The following GID8 variants were observed in gnomAD, a reference collection of about 807,000 sequenced individuals.
GID8 encodes GID complex subunit 8 homolog.
In GID8, 6 loss-of-function variants were observed where a neutral mutation model predicts 27.4. The ratio of observed to expected loss-of-function variants is 0.22; its 90% CI spans 0.12 to 0.43. The LOEUF (loss-of-function observed/expected upper bound fraction) is 0.43. Among genes scored for constraint, GID8 ranks in the 20% least tolerant of loss-of-function variants. The pLI, the probability that GID8 is intolerant of heterozygous loss-of-function variation, is 1.00. For synonymous variants in GID8, 112 were observed against 109.0 expected, an observed-to-expected ratio of 1.03 and a Z score of -0.17; for missense variants, 173 against 287.6, an observed-to-expected ratio of 0.60 and a Z score of 2.88.
intron 1 of GID8, among the ~76,000 whole-genome samples, chr20:62,939,999 C>G (rs948968113): frequency 1.3e-5 from 2 of 152,102 alleles, no homozygotes; most frequent in African/African-American, 4.8e-5. Flanking sequence ...CCATTTGCCC[C>G]TCCCACAGGT....
At position 62,945,998 on chromosome 20, in the gene GID8, G is replaced by T. The variant is rs1227863568; in HGVS notation, c.*1086G>T. ...CCGTGGTGGGCAGGAGGGAAGTGGT[G>T]CAGGGCTGCGTGCATTGCCTGCGAG... On this transcript the variant is annotated 3_prime_UTR_variant, in exon 5 of 5. Transcript: ENST00000266069. The T allele has an allele frequency of 1.6e-6, 2 of 1,289,450 alleles. No homozygotes were observed. The highest frequency in any genetic ancestry group is 2.5e-5 in the South Asian group (2 of 81,030). The allele number at this position is 1,289,450 out of a possible 1,614,324, so 79.9% of individuals were successfully genotyped here.
rs779710393 is a variant in GID8 at position 62,944,944 on chromosome 20, G to T, written c.*32G>T. 71 of 1,582,784 alleles carry T rather than the reference G, an allele frequency of 4.5e-5. No individual in the cohort carries two copies. The highest frequency in any genetic ancestry group is 5.8e-5 in the Non-Finnish European group (68 of 1,163,112). ...CGCTTGCGTGGTGGATCCAACACCA[G>T]CCCTGCGTCGTGGGACTTGCCTCAG... On this transcript the variant is annotated 3_prime_UTR_variant, in exon 5 of 5. Transcript: ENST00000266069.
rs920367186 is a variant in GID8, at chr20:62,942,898, T to C, written c.119-89T>C. On this transcript the variant is annotated intron_variant, in intron 2 of 4. Transcript: ENST00000266069. The stretch of plus-strand genomic sequence containing the variant: ...TGTGGTTCACATCAGAGGTTATTAA[T>C]TGAGGCAATTGGAGTTTCTGGAGAT... 8 of 874,610 alleles carry C rather than the reference T, an allele frequency of 9.1e-6. No individual in the cohort carries two copies. In the African/African-American group the frequency reaches 1.2e-4, roughly 13 times the overall value. The allele number at this position is 874,610 out of a possible 1,614,324, so 54.2% of individuals were successfully genotyped here.
At position 62,943,827 on chromosome 20, in the gene GID8, C is replaced by A; in HGVS notation, c.513+135C>A. On this transcript the variant is annotated intron_variant, in intron 4 of 4. Coordinates refer to ENST00000266069, the MANE Select transcript of GID8 (RefSeq NM_017896.3). This position sits in a 1 kb window ranked among gnomAD's most constrained non-coding sequence, Gnocchi z 4.7. ...TCTGTGCCTGGGATGCTAAGTGGTT[C>A]CTTCATGGCTTTTTTTTTTTTTTTT... is the stretch of plus-strand genomic sequence containing the variant. 1 of 618,420 alleles carries A rather than the reference C, an allele frequency of 1.6e-6. No homozygotes were observed. The allele number at this position is 618,420 out of a possible 1,614,324, so 38.3% of individuals were successfully genotyped here.
rs371969687 is a variant in GID8, at chr20:62,946,084, T to C, written c.*1172T>C. On this transcript the variant is annotated 3_prime_UTR_variant, in exon 5 of 5. Transcript: ENST00000266069. Reference sequence around the variant, plus strand: ...TGGGCACAGATGTGTTTGGATTCATTGCAGCGGACCACCGGGCACTGTTGA... The same window carrying C: ...TGGGCACAGATGTGTTTGGATTCATCGCAGCGGACCACCGGGCACTGTTGA... 92 of 1,188,594 alleles carry C rather than the reference T, an allele frequency of 7.7e-5. No homozygotes were observed. In the African/African-American group the frequency reaches 1.2e-3, roughly 15 times the overall value. 73.6% of individuals were successfully genotyped at this position (1,188,594 alleles called of 1,614,324 possible).
In GID8 at chr20:62,943,244, A is replaced by G. The variant is rs1055241782; in HGVS notation, c.315+61A>G. On this transcript the variant is annotated intron_variant, in intron 3 of 4. Coordinates refer to ENST00000266069, the MANE Select transcript of GID8 (RefSeq NM_017896.3). This position sits in a 1 kb window ranked among gnomAD's most constrained non-coding sequence, Gnocchi z 4.7. ...ACTTGATAAGTTAAAGTTATTTGCA[A>G]TGATTGAGAAATAACTAGGCTAATT... 37 of 1,274,654 alleles carry G rather than the reference A, an allele frequency of 2.9e-5. No individual in the cohort carries two copies. The African/African-American group carries it at 4.0e-4, about 14-fold the overall frequency. The allele number at this position is 1,274,654 out of a possible 1,614,324, so 79.0% of individuals were successfully genotyped here.
Position 62,946,816 on chromosome 20 carries a change from TGA to T in GID8, c.*1911_*1912del, listed in dbSNP as rs913091133. ...CAGAAGCTAGAAGAAAGCGGTGAGG[TGA>T]GAGAGATGCATCTGCACGTTTTCTT... On this transcript the variant is annotated 3_prime_UTR_variant, in exon 5 of 5. Transcript: ENST00000266069. 2.0e-5 allele frequency: 3 copies of T among 152,170 alleles called. No homozygotes were observed. Among genetic ancestry groups the T allele is most frequent in the South Asian group, 2.1e-4 (1 of 4,832 alleles). 9.4% of individuals were successfully genotyped at this position (152,170 alleles called of 1,614,324 possible).
Position 62,943,732 on chromosome 20 carries a change from G to C in GID8, c.513+40G>C, listed in dbSNP as rs768098041. The C allele has an allele frequency of 1.3e-6, 2 of 1,489,772 alleles. No homozygotes were observed. The highest frequency in any genetic ancestry group is 1.9e-6 in the Non-Finnish European group (2 of 1,069,396). The allele number at this position is 1,489,772 out of a possible 1,614,324, so 92.3% of individuals were successfully genotyped here. A position where few individuals can be genotyped will look rare whatever the true frequency, so the allele number is the denominator to read the frequency against. On this transcript the variant is annotated intron_variant, in intron 4 of 4. Transcript: ENST00000266069. This position sits in a 1 kb window ranked among gnomAD's most constrained non-coding sequence, Gnocchi z 4.7. ...AGGGAAGCTTTCTTCCATTCCCCAT[G>C]TGCTCTGAGGGGGCTTCGTGACAAC...
chr20:62,943,825 T>C lies in GID8; in HGVS notation c.513+133T>C. 1.6e-6 allele frequency: 1 copy of C among 632,066 alleles called. No homozygotes were observed. The highest frequency in any genetic ancestry group is 2.7e-6 in the Non-Finnish European group (1 of 369,594). The allele number at this position is 632,066 out of a possible 1,614,324, so 39.2% of individuals were successfully genotyped here. A position where few individuals can be genotyped will look rare whatever the true frequency, so the allele number is the denominator to read the frequency against. On this transcript the variant is annotated intron_variant, in intron 4 of 4. Transcript: ENST00000266069. The surrounding 1 kb of genome is among the most constrained non-coding windows in gnomAD (Gnocchi z 4.7). ...CTTCTGTGCCTGGGATGCTAAGTGG[T>C]TCCTTCATGGCTTTTTTTTTTTTTT... is the stretch of plus-strand genomic sequence containing the variant.
In GID8 at chr20:62,944,780, T is replaced by C. The variant is rs1183619743; in HGVS notation, c.555T>C (p.Asn185=). ...ACCAAGCTGTGCTAGATTATGAAAA[T>C]CGCGAGTCAACACCCAAACTGGCAA... ...EVNQAVLDYE[N]RESTPKLAKL... Residue 185 remains asparagine, a synonymous_variant, in exon 5 of 5, where the codon AAT becomes AAC. Coordinates refer to ENST00000266069, the MANE Select transcript of GID8 (RefSeq NM_017896.3). 6.2e-6 allele frequency: 10 copies of C among 1,614,000 alleles called. No homozygotes were observed. The highest frequency in any genetic ancestry group is 1.3e-5 in the African/African-American group (1 of 74,922).
At position 62,948,162 on chromosome 20, in the gene GID8, T is replaced by C. The variant is rs2065474219; in HGVS notation, c.*3250T>C. 1 of 152,284 alleles carries C rather than the reference T, an allele frequency of 6.6e-6. No individual in the cohort carries two copies. Among genetic ancestry groups the C allele is most frequent in the Admixed American group, 6.5e-5 (1 of 15,282 alleles). 9.4% of individuals were successfully genotyped at this position (152,284 alleles called of 1,614,324 possible). On this transcript the variant is annotated 3_prime_UTR_variant, in exon 5 of 5. Coordinates refer to ENST00000266069, the MANE Select transcript of GID8 (RefSeq NM_017896.3). ...TGGCGCAGCTGCCTGTTGCCGTCTG[T>C]CTTCAGTAACTGCTGCTCTGTTAAC...
chr20:62,945,863 G>A lies in GID8; in HGVS notation c.*951G>A, dbSNP rs1160258698. 1 of 1,289,766 alleles carries A rather than the reference G, an allele frequency of 7.8e-7. No individual in the cohort carries two copies. Among genetic ancestry groups the A allele is most frequent in the Admixed American group, 2.3e-5 (1 of 43,576 alleles). The allele number at this position is 1,289,766 out of a possible 1,614,324, so 79.9% of individuals were successfully genotyped here. A position where few individuals can be genotyped will look rare whatever the true frequency, so the allele number is the denominator to read the frequency against. On this transcript the variant is annotated 3_prime_UTR_variant, in exon 5 of 5. Coordinates refer to ENST00000266069, the MANE Select transcript of GID8 (RefSeq NM_017896.3). ...ACGACTGTTGGCGGAAGGAACGCGT[G>A]TTCATCCTCAGTGATCTGCCCTCCA...
In GID8 at chr20:62,941,498, T is replaced by C; in HGVS notation, c.-5T>C. The C allele has an allele frequency of 6.4e-7, 1 of 1,571,392 alleles. No homozygotes were observed. The highest frequency in any genetic ancestry group is 8.8e-7 in the Non-Finnish European group (1 of 1,141,260). ...GTTATTTTTTTCCTGTAGAAATAAATCAGAATGAGTTATGCAGAAAAACCC... is the reference window on the plus strand; with the variant it reads ...GTTATTTTTTTCCTGTAGAAATAAACCAGAATGAGTTATGCAGAAAAACCC... On this transcript the variant is annotated 5_prime_UTR_variant, in exon 2 of 5. Transcript: ENST00000266069.
rs985067138 is a variant in GID8 at position 62,943,467 on chromosome 20, G to A, written c.316-28G>A. The A allele has an allele frequency of 8.1e-6, 13 of 1,605,268 alleles. No homozygotes were observed. In the African/African-American group the frequency reaches 1.6e-4, roughly 20 times the overall value. Reference sequence around the variant, plus strand: ...TAAGTCCCTGGCCTGGGTGTGTGGGGGTCAAGCTTGTCTGTCTCTGCCTCC... The same window carrying A: ...TAAGTCCCTGGCCTGGGTGTGTGGGAGTCAAGCTTGTCTGTCTCTGCCTCC... On this transcript the variant is annotated intron_variant, in intron 3 of 4. Coordinates refer to ENST00000266069, the MANE Select transcript of GID8 (RefSeq NM_017896.3). The surrounding 1 kb of genome is among the most constrained non-coding windows in gnomAD (Gnocchi z 4.7).
chr20:62,940,084 T>C (rs1308236923), intron 1 of GID8, among the ~76,000 whole-genome samples: 2 of 152,220 alleles, frequency 1.3e-5, no homozygotes, highest in Non-Finnish European at 2.9e-5. Flanking sequence ...CACGTACATA[T>C]TTGTTGCTAA....
chr20:62,944,426 A>G (rs1444328441), intron 4 of GID8, among the ~76,000 whole-genome samples: 1 of 152,018 alleles, frequency 6.6e-6, no homozygotes, highest in Non-Finnish European at 1.5e-5. Context: ...GGCCTGTCCT[A>G]GAGTCCACTT....
At chr20:62,939,680 A>C (rs1390021272) in intron 1 of GID8, among the ~76,000 whole-genome samples, 1 of 151,708 alleles carries the variant, frequency 6.6e-6, no homozygotes, top group Non-Finnish European at 1.5e-5. Flanking sequence ...GCAGCCATTG[A>C]CTCTGGCCAA....
chr20:62,942,591 G>C (rs2065448347), intron 2 of GID8, among the ~76,000 whole-genome samples: 2 of 152,218 alleles, frequency 1.3e-5, no homozygotes, highest in Non-Finnish European at 2.9e-5. Context: ...TGCAGGTATA[G>C]CTGACCATGG....
At position 62,947,271 on chromosome 20, in the gene GID8, C is replaced by T. The variant is rs1318449901; in HGVS notation, c.*2359C>T. On this transcript the variant is annotated 3_prime_UTR_variant, in exon 5 of 5. Transcript: ENST00000266069. ...TGCCTTCCTTTCGTGTGAGGGGCTGCACTTGCTTTTCTTGTGATCTGTTAG... is the reference window on the plus strand; with the variant it reads ...TGCCTTCCTTTCGTGTGAGGGGCTGTACTTGCTTTTCTTGTGATCTGTTAG... 1 of 152,272 alleles carries T rather than the reference C, an allele frequency of 6.6e-6. No homozygotes were observed. Among genetic ancestry groups the T allele is most frequent in the East Asian group, 1.9e-4 (1 of 5,204 alleles). The allele number at this position is 152,272 out of a possible 1,614,324, so 9.4% of individuals were successfully genotyped here.
Sources: allele counts gnomAD v4.1 joint callset (sites outside exome capture counted in the v4.1 genomes callset), GRCh38; gene constraint gnomAD v4.1.1; non-coding constraint Gnocchi (gnomAD v3.1); transcripts MANE v1.5; gene names NCBI Gene and HGNC (gene_info 2026-07-23, HGNC 2026-07-21).